The following MYO6 variants were observed in gnomAD, a reference collection of about 807,000 sequenced individuals.
MYO6 encodes myosin VI.
Under a neutral mutation model 178.7 loss-of-function variants are expected in MYO6, and 74 were observed. The observed-to-expected ratio is 0.41, with a 90% CI of 0.34 to 0.50. MYO6 has a LOEUF of 0.50. MYO6 is among the 20% of genes least tolerant of loss of function. MYO6 has a pLI of 0.09. For missense variants in MYO6, 1,330 were observed against 1,547.4 expected, an observed-to-expected ratio of 0.86 and a Z score of 2.36; for synonymous variants, 477 against 504.6, an observed-to-expected ratio of 0.95 and a Z score of 0.73.
chr6:75,902,201 C>G (rs1422026229), intron 30 of MYO6, among the ~76,000 whole-genome samples: 4 of 152,126 alleles, frequency 2.6e-5, no homozygotes, highest in African/African-American at 9.7e-5. Flanking sequence ...TTGGTTGTGT[C>G]TCTGCTAGGC....
intron 7 of MYO6, among the ~76,000 whole-genome samples, chr6:75,838,054 CTTTTT>C (rs35550064): frequency 7.3e-6 from 1 of 136,224 alleles, no homozygotes. Context: ...TCTATAGCTT[CTTTTT>C]TTTTTTTTTT....
chr6:75,818,125 GT>G (rs968412276), intron 2 of MYO6, among the ~76,000 whole-genome samples: 15 of 152,078 alleles, frequency 9.9e-5, no homozygotes, highest in Non-Finnish European at 2.1e-4. Flanking sequence ...TTTTTTTAAA[GT>G]TTTTTGTTCA....
chr6:75,817,304 CAAA>C (rs759910571), intron 1 of MYO6, among the ~76,000 whole-genome samples, 194 bp from the exon 2 acceptor site: 3 of 62,970 alleles, frequency 4.8e-5, no homozygotes. Flanking sequence ...GATTCCGTCT[CAAA>C]AAAAAAAAAA....
In MYO6 at chr6:75,770,373, T is replaced by TA. The variant is rs546197437; in HGVS notation, c.-48+20951dup. Among the ~76,000 whole-genome samples, 34 of 152,328 alleles carry TA rather than the reference T, an allele frequency of 2.2e-4. No homozygotes were observed. The East Asian group carries it at 6.4e-3, about 29-fold the overall frequency. On this transcript the variant is annotated intron_variant, in intron 1 of 34. Coordinates refer to ENST00000369977, the MANE Select transcript of MYO6 (RefSeq NM_004999.4). ...TACAAAGAGAAATTCCGTAATGAGA[T>TA]ACCTAGTTGAAAACAGCCAGAAGTA...
chr6:75,770,746 G>A (rs1326136393), intron 1 of MYO6, among the ~76,000 whole-genome samples: 1 of 152,100 alleles, frequency 6.6e-6, no homozygotes, highest in Non-Finnish European at 1.5e-5. Flanking sequence ...CAAAGTGCTG[G>A]GATTACAGGT....
intron 20 of MYO6, among the ~76,000 whole-genome samples, chr6:75,873,932 T>C (rs1280386387): frequency 2.0e-5 from 3 of 152,324 alleles, no homozygotes; most frequent in Non-Finnish European, 4.4e-5. Context: ...GTTTGCTTTA[T>C]GCCTTGCCCA....
chr6:75,830,094 G>A (rs1410073138), intron 4 of MYO6, among the ~76,000 whole-genome samples: 1 of 152,162 alleles, frequency 6.6e-6, no homozygotes, highest in East Asian at 1.9e-4. Context: ...ACTTGGTGGT[G>A]ATGCCATGTC....
At chr6:75,907,270 A>G (rs1780402322) in intron 30 of MYO6, among the ~76,000 whole-genome samples, 1 of 152,228 alleles carries the variant, frequency 6.6e-6, no homozygotes, top group Admixed American at 6.5e-5. Flanking sequence ...TTTGAGGAAT[A>G]TATGTCAGTA....
At chr6:75,857,380 C>G (rs1775815209) in intron 13 of MYO6, 126 bp downstream of exon 13, 4 of 949,886 alleles carry the variant, frequency 4.2e-6, no homozygotes. Flanking sequence ...TATGTCCACA[C>G]TCACATTTCA....
chr6:75,851,061 T>C (rs1775220637), intron 11 of MYO6, among the ~76,000 whole-genome samples: 1 of 152,170 alleles, frequency 6.6e-6, no homozygotes. Flanking sequence ...TGTGGGAGAT[T>C]CTAACACAAA....
intron 1 of MYO6, among the ~76,000 whole-genome samples, chr6:75,761,540 A>G (rs1056395042): frequency 1.3e-5 from 2 of 151,980 alleles, no homozygotes; most frequent in Non-Finnish European, 2.9e-5. Context: ...AAATGGAGAT[A>G]GCCTGGTGGC....
chr6:75,869,728 A>T (rs1776983450), intron 18 of MYO6, among the ~76,000 whole-genome samples: 1 of 152,228 alleles, frequency 6.6e-6, no homozygotes, highest in Non-Finnish European at 1.5e-5. Context: ...TTATAAAAAC[A>T]AGAAAGCATA....
Position 75,861,015 on chromosome 6 carries a change from A to G in MYO6, c.1474-8A>G. The G allele has an allele frequency of 5.1e-6, 8 of 1,573,366 alleles. No homozygotes were observed. Among genetic ancestry groups the G allele is most frequent in the Non-Finnish European group, 7.0e-6 (8 of 1,143,394 alleles). On this transcript the variant is annotated splice_polypyrimidine_tract_variant and splice_region_variant and intron_variant, in intron 14 of 34. Coordinates refer to ENST00000369977, the MANE Select transcript of MYO6 (RefSeq NM_004999.4). Reference sequence around the variant, plus strand: ...CTGTATCTATGATTATGATTATTTCATTTTTAGGAACAAGAACTCTATCAA... The same window carrying G: ...CTGTATCTATGATTATGATTATTTCGTTTTTAGGAACAAGAACTCTATCAA...
intron 9 of MYO6, among the ~76,000 whole-genome samples, chr6:75,844,263 A>G (rs1285333004): frequency 6.6e-6 from 1 of 152,152 alleles, no homozygotes; most frequent in Non-Finnish European, 1.5e-5. Flanking sequence ...CTCTTGTTCT[A>G]TATTTTGGAA....
chr6:75,763,443 A>G (rs892730164), intron 1 of MYO6, among the ~76,000 whole-genome samples: 2 of 152,248 alleles, frequency 1.3e-5, no homozygotes, highest in African/African-American at 4.8e-5. Context: ...TATTAATAAA[A>G]TACGGATTTT....
intron 23 of MYO6, among the ~76,000 whole-genome samples, chr6:75,885,669 A>G (rs112279799): frequency 4.6e-5 from 7 of 152,050 alleles, no homozygotes; most frequent in Non-Finnish European, 1.0e-4. Flanking sequence ...GATGGTCTCA[A>G]TCTCCCGACC....
intron 33 of MYO6, among the ~76,000 whole-genome samples, chr6:75,912,933 A>C (rs1200646638): frequency 2.0e-5 from 3 of 152,308 alleles, no homozygotes; most frequent in Non-Finnish European, 4.4e-5. Flanking sequence ...CAAAGAAATA[A>C]ATTCAACTGC....
chr6:75,911,842 A>G (rs1582011837), intron 33 of MYO6, 144 bp downstream of exon 33: 3 of 746,642 alleles, frequency 4.0e-6, no homozygotes, highest in East Asian at 2.7e-5. Flanking sequence ...ATACTAAGAT[A>G]TATTTTAATT....
At chr6:75,813,580 C>G (rs969734020) in intron 1 of MYO6, among the ~76,000 whole-genome samples, 6 of 152,172 alleles carry the variant, frequency 3.9e-5, no homozygotes, top group African/African-American at 1.4e-4. Flanking sequence ...TTACTCTTCC[C>G]TTTCCTTTCC....
Sources: allele counts gnomAD v4.1 joint callset (sites outside exome capture counted in the v4.1 genomes callset), GRCh38; gene constraint gnomAD v4.1.1; transcripts MANE v1.5; gene names NCBI Gene and HGNC (gene_info 2026-07-23, HGNC 2026-07-21).